Variants in CSMD1 observed in about 807,000 individuals in gnomAD.
CSMD1 encodes the protein CUB and Sushi multiple domains 1.
Under a neutral mutation model 417.5 loss-of-function variants are expected in CSMD1, and 213 were observed. That is an observed-to-expected ratio of 0.51 (90% CI 0.46 to 0.57). The LOEUF (loss-of-function observed/expected upper bound fraction) is 0.57, where lower values mean the gene tolerates loss of function less well. Among genes scored for constraint, CSMD1 ranks in the 20% least tolerant of loss-of-function variants. The pLI, the probability that CSMD1 is intolerant of heterozygous loss-of-function variation, is 0.00. For synonymous variants in CSMD1, 2,862 were observed against 1,736.8 expected, an observed-to-expected ratio of 1.65 and a Z score of -16.11; for missense variants, 6,923 against 4,529.7, an observed-to-expected ratio of 1.53 and a Z score of -15.17.
intron 3 of CSMD1, among the ~76,000 whole-genome samples, chr8:4,292,416 C>T (rs556294561): frequency 6.6e-6 from 1 of 152,022 alleles, no homozygotes; most frequent in Non-Finnish European, 1.5e-5. Context: ...CCACGCCCGG[C>T]TAATTTTTTG....
chr8:4,224,100 C>G (rs1359568290), intron 3 of CSMD1, among the ~76,000 whole-genome samples: 1 of 152,114 alleles, frequency 6.6e-6, no homozygotes. Flanking sequence ...GAGGATTTTG[C>G]CAGGCTAAGA....
chr8:4,891,549 T>A (rs1294276230), intron 1 of CSMD1, among the ~76,000 whole-genome samples: 1 of 152,112 alleles, frequency 6.6e-6, no homozygotes. Flanking sequence ...GAGTTTGCCT[T>A]GAAATTCCTA....
intron 1 of CSMD1, among the ~76,000 whole-genome samples, chr8:4,668,441 T>TTATTA (rs1554439183): frequency 1.4e-5 from 2 of 145,878 alleles, no homozygotes; most frequent in African/African-American, 5.0e-5. Context: ...ATTATTATTA[T>TTATTA]TATTATTATT....
rs932335193 is a variant in CSMD1 at position 3,205,679 on chromosome 8, G to C, written c.4868-59C>G. Reference sequence around the variant, plus strand: ...TGCAATAATAGCGCAGGTGATAGGTGAGCCAAAGCTGAAACACATCAAACA... The same window carrying C: ...TGCAATAATAGCGCAGGTGATAGGTCAGCCAAAGCTGAAACACATCAAACA... On this transcript the variant is annotated intron_variant, in intron 30 of 69. Transcript: ENST00000635120. 11 of 746,714 alleles carry C rather than the reference G, an allele frequency of 1.5e-5. No homozygotes were observed. In the Admixed American group the frequency reaches 1.7e-4, roughly 12 times the overall value. 46.3% of individuals were successfully genotyped at this position (746,714 alleles called of 1,614,324 possible).
At chr8:4,408,881 C>T (rs1036186255) in intron 3 of CSMD1, among the ~76,000 whole-genome samples, 1 of 152,120 alleles carries the variant, frequency 6.6e-6, no homozygotes, top group Non-Finnish European at 1.5e-5. Context: ...AACACAGATC[C>T]TTGTTTGATA....
At chr8:3,110,007 C>A (rs1816397539) in intron 43 of CSMD1, 151 bp downstream of exon 43, 2 of 659,298 alleles carry the variant, frequency 3.0e-6, no homozygotes, top group East Asian at 2.9e-5. Flanking sequence ...GAAATTGATT[C>A]CCTATATCTC....
chr8:4,321,715 T>G (rs1799283401), intron 3 of CSMD1, among the ~76,000 whole-genome samples: 1 of 152,342 alleles, frequency 6.6e-6, no homozygotes, highest in Admixed American at 6.5e-5. Context: ...CTTTGTTGAT[T>G]AAAGTTTCCA....
At chr8:4,132,960 G>C (rs184292813) in intron 3 of CSMD1, among the ~76,000 whole-genome samples, 1 of 152,216 alleles carries the variant, frequency 6.6e-6, no homozygotes, top group Non-Finnish European at 1.5e-5. Context: ...TTGAGATGGA[G>C]TCTCGCTCTG....
chr8:3,059,700 AG>A (rs2128993010), intron 49 of CSMD1, among the ~76,000 whole-genome samples: 1 of 152,206 alleles, frequency 6.6e-6, no homozygotes, highest in East Asian at 1.9e-4. Context: ...GAAGCCCAGT[AG>A]GGCAGCCCAT....
At chr8:4,748,888 G>A (rs531494736) in intron 1 of CSMD1, among the ~76,000 whole-genome samples, 192 of 152,304 alleles carry the variant, frequency 1.3e-3, no homozygotes, top group African/African-American at 2.1e-3. Flanking sequence ...AAGTTATTCC[G>A]GTCCTGTTAC....
At chr8:3,142,163 T>G (rs574334592) in intron 41 of CSMD1, among the ~76,000 whole-genome samples, 5 of 152,256 alleles carry the variant, frequency 3.3e-5, no homozygotes, top group Non-Finnish European at 5.9e-5. Context: ...ACAATAAAAC[T>G]CCGGTCTCCC....
intron 23 of CSMD1, among the ~76,000 whole-genome samples, chr8:3,341,890 C>T (rs1259336134): frequency 1.3e-5 from 2 of 152,084 alleles, no homozygotes; most frequent in Non-Finnish European, 1.5e-5. Context: ...AAACAAAATA[C>T]ATTGAACATC....
chr8:4,585,949 A>G (rs1799677956), intron 2 of CSMD1, among the ~76,000 whole-genome samples: 1 of 152,218 alleles, frequency 6.6e-6, no homozygotes, highest in Non-Finnish European at 1.5e-5. Flanking sequence ...GATTTGTGGG[A>G]TTTAATATAT....
chr8:3,333,181 G>A (rs1001847253), intron 23 of CSMD1, among the ~76,000 whole-genome samples: 4 of 152,248 alleles, frequency 2.6e-5, no homozygotes, highest in Non-Finnish European at 5.9e-5. Flanking sequence ...ACACTCAGAT[G>A]AGACCACAGC....
chr8:3,320,696 T>A (rs1554514110), intron 23 of CSMD1, among the ~76,000 whole-genome samples: 4 of 152,174 alleles, frequency 2.6e-5, no homozygotes, highest in Non-Finnish European at 5.9e-5. Flanking sequence ...TCTCATTCTT[T>A]GAAAGAATTT....
chr8:3,911,260 A>G (rs986155791), intron 5 of CSMD1, among the ~76,000 whole-genome samples: 32 of 151,200 alleles, frequency 2.1e-4, no homozygotes, highest in Non-Finnish European at 8.8e-5. Flanking sequence ...TCTTTAGGTC[A>G]TTTTTCTTTT....
chr8:3,359,600 G>T (rs60417307), intron 20 of CSMD1, among the ~76,000 whole-genome samples: 2,266 of 151,760 alleles, frequency 0.015, 54 homozygotes, highest in African/African-American at 0.051. Context: ...TGGGAAGGGG[G>T]TGTATGGAGG....
chr8:4,572,161 G>A (rs1037757565), intron 2 of CSMD1, among the ~76,000 whole-genome samples: 3 of 152,160 alleles, frequency 2.0e-5, no homozygotes, highest in Admixed American at 6.5e-5. Context: ...CTGTCATCAT[G>A]GTGCTATCTG....
At chr8:3,650,331 T>C (rs923148582) in intron 7 of CSMD1, among the ~76,000 whole-genome samples, 1 of 152,114 alleles carries the variant, frequency 6.6e-6, no homozygotes, top group Non-Finnish European at 1.5e-5. Context: ...GAGTTTCAAG[T>C]TGAGTTAGGA....
Sources: gnomAD v4.1 joint callset for allele counts (sites outside exome capture counted in the v4.1 genomes callset) on GRCh38, gnomAD v4.1.1 for gene constraint, MANE v1.5 for transcripts, NCBI Gene and HGNC (gene_info 2026-07-23, HGNC 2026-07-21) for gene names.